Variants in IPO11 observed in about 807,000 individuals in gnomAD.
IPO11 encodes importin-11.
In IPO11, 66 loss-of-function variants were observed where a neutral mutation model predicts 143.2. That is an observed-to-expected ratio of 0.46 (90% CI 0.38 to 0.57). The LOEUF is 0.57. IPO11 is among the 20% of genes least tolerant of loss of function. IPO11 has a pLI of 0.00. For missense variants in IPO11, 1,026 were observed against 1,141.0 expected, an observed-to-expected ratio of 0.90 and a Z score of 1.45; for synonymous variants, 385 against 377.8, an observed-to-expected ratio of 1.02 and a Z score of -0.22.
chr5:62,454,005 C>G (rs867905033), intron 5 of IPO11, among the ~76,000 whole-genome samples: 3 of 151,946 alleles, frequency 2.0e-5, no homozygotes, highest in African/African-American at 7.3e-5. Context: ...CGTGGTGGCA[C>G]GCGCCTGTAG....
chr5:62,518,600 T>A (rs760423659), intron 20 of IPO11, among the ~76,000 whole-genome samples: 1 of 151,966 alleles, frequency 6.6e-6, no homozygotes, highest in Non-Finnish European at 1.5e-5. Context: ...GGTGACAGAG[T>A]GAGACCCTGT....
intron 5 of IPO11, among the ~76,000 whole-genome samples, chr5:62,464,434 C>A (rs1745499016): frequency 6.6e-6 from 1 of 151,550 alleles, no homozygotes; most frequent in Non-Finnish European, 1.5e-5. Context: ...CCACTGTGCC[C>A]AGCTGGTTAT....
Position 62,476,705 on chromosome 5 carries a change from T to C in IPO11, c.780T>C (p.Asn260=), listed in dbSNP as rs1745968541. The change falls in exon 9 of 30, where the codon AAT becomes AAC. Residue 260 remains asparagine, a synonymous_variant. Coordinates refer to ENST00000325324, the MANE Select transcript of IPO11 (RefSeq NM_016338.5). The stretch of plus-strand genomic sequence containing the variant: ...CAGGTAGAAGTATAGGTACAGATAA[T>C]GTGTGTAGAGATAGACTGGAAAAGA... ...LECSRSIGTD[N]VCRDRLEKTI... The C allele has an allele frequency of 1.3e-6, 2 of 1,523,122 alleles. No individual in the cohort carries two copies. The highest frequency in any genetic ancestry group is 2.4e-5 in the East Asian group (1 of 41,092). The allele number at this position is 1,523,122 out of a possible 1,614,324, so 94.4% of individuals were successfully genotyped here. A position where few individuals can be genotyped will look rare whatever the true frequency, so the allele number is the denominator to read the frequency against.
At chr5:62,516,968 G>A (rs1269074202) in intron 20 of IPO11, among the ~76,000 whole-genome samples, 2 of 151,972 alleles carry the variant, frequency 1.3e-5, no homozygotes, top group Non-Finnish European at 2.9e-5. Flanking sequence ...GGAGGCCGAG[G>A]CGGGTGGATC....
At chr5:62,546,858 T>C (rs1228708843) in intron 24 of IPO11, among the ~76,000 whole-genome samples, 2 of 152,124 alleles carry the variant, frequency 1.3e-5, no homozygotes, top group African/African-American at 2.4e-5. Context: ...TTCTTCTGTT[T>C]AAAAAGTAGA....
At chr5:62,576,260 C>G (rs1432310307) in intron 27 of IPO11, 1 of 155,866 alleles carries the variant, frequency 6.4e-6, no homozygotes, top group Non-Finnish European at 1.4e-5. Context: ...TGGATGACAG[C>G]CTTCCAGAAA....
intron 24 of IPO11, among the ~76,000 whole-genome samples, chr5:62,547,932 T>G (rs1364740729): frequency 6.6e-6 from 1 of 152,114 alleles, no homozygotes; most frequent in African/African-American, 2.4e-5. Flanking sequence ...TAGACACCTG[T>G]CTTTCTGCCA....
rs576367946 is a variant in IPO11 at position 62,457,998 on chromosome 5, T to C, written c.516+6065T>C. On this transcript the variant is annotated intron_variant, in intron 5 of 29. Transcript: ENST00000325324. ...CCTGTCTCTACTAAAAATACAAAAA[T>C]TAGCTGGGCGTGGTGGTGGGCGCCT... Among the ~76,000 whole-genome samples, 6 of 151,732 alleles carry C rather than the reference T, an allele frequency of 4.0e-5. No individual in the cohort carries two copies. The East Asian group carries it at 1.2e-3, about 30-fold the overall frequency.
intron 27 of IPO11, chr5:62,580,550 G>A (rs982032331): frequency 1.7e-5 from 27 of 1,551,228 alleles, no homozygotes; most frequent in Middle Eastern, 1.7e-4. Context: ...TTGGGCCTTC[G>A]AGACTGGCTA....
chr5:62,551,019 G>GTATATATATATATATA (rs373267363), intron 25 of IPO11, among the ~76,000 whole-genome samples: 8 of 144,332 alleles, frequency 5.5e-5, no homozygotes, highest in African/African-American at 2.0e-4. Context: ...TCTCTTTATT[G>GTATATATATATATATA]TATATATATA....
intron 29 of IPO11, among the ~76,000 whole-genome samples, chr5:62,614,885 G>C (rs1420746189): frequency 1.3e-5 from 2 of 152,170 alleles, no homozygotes; most frequent in Non-Finnish European, 2.9e-5. Flanking sequence ...GGTGGAGGTG[G>C]CTCTCAGTGA....
chr5:62,598,464 C>T (rs867226242), intron 28 of IPO11, among the ~76,000 whole-genome samples: 6 of 3,210 alleles, frequency 1.9e-3, no homozygotes, highest in Non-Finnish European at 3.1e-3. Flanking sequence ...CTCTCTCTCT[C>T]TCTCTCTCTC....
intron 27 of IPO11, chr5:62,579,527 T>C (rs776642832): frequency 1.9e-6 from 3 of 1,551,016 alleles, no homozygotes; most frequent in African/African-American, 2.7e-5. Flanking sequence ...AAAGAAATAC[T>C]TGGATGTTCG....
At chr5:62,413,740 G>A (rs559328825) in intron 1 of IPO11, among the ~76,000 whole-genome samples, 1 of 152,158 alleles carries the variant, frequency 6.6e-6, no homozygotes, top group Non-Finnish European at 1.5e-5. Context: ...TCAGAAGGAA[G>A]AATAGTTTGT....
chr5:62,620,855 A>C (rs926601404), intron 29 of IPO11, among the ~76,000 whole-genome samples: 1 of 152,234 alleles, frequency 6.6e-6, no homozygotes, highest in Admixed American at 6.5e-5. Context: ...GTTAAATTTT[A>C]AGAGTGTCCT....
At chr5:62,488,294 T>TA in intron 13 of IPO11, among the ~76,000 whole-genome samples, 1 of 152,370 alleles carries the variant, frequency 6.6e-6, no homozygotes, top group East Asian at 1.9e-4. Flanking sequence ...AGTAACTAAT[T>TA]ATCTGCCTAT....
At chr5:62,441,305 T>C (rs1744467442) in intron 2 of IPO11, among the ~76,000 whole-genome samples, 1 of 150,702 alleles carries the variant, frequency 6.6e-6, no homozygotes, top group South Asian at 2.1e-4. Context: ...TTCAAGTGAT[T>C]CTCCTGCCTC....
chr5:62,478,837 G>A (rs897326841), intron 9 of IPO11, among the ~76,000 whole-genome samples: 34 of 152,224 alleles, frequency 2.2e-4, no homozygotes, highest in African/African-American at 8.2e-4. Flanking sequence ...CTTTTTTGTG[G>A]GGGATAGGGC....
intron 1 of IPO11, 42 bp from the exon 2 acceptor site, chr5:62,437,232 A>G (rs750718756): frequency 3.4e-6 from 5 of 1,464,526 alleles, no homozygotes; most frequent in Non-Finnish European, 1.8e-6. Flanking sequence ...ATTTTTTATT[A>G]CTTGTAATAC....
Sources: allele counts gnomAD v4.1 joint callset (sites outside exome capture counted in the v4.1 genomes callset), GRCh38; gene constraint gnomAD v4.1.1; transcripts MANE v1.5; gene names NCBI Gene and HGNC (gene_info 2026-07-23, HGNC 2026-07-21).